PGAP2: variants seen among roughly 807,000 people sequenced by gnomAD.
PGAP2 encodes the protein acyltransferase PGAP2.
PGAP2 carries 21 observed loss-of-function variants against 33.2 expected under a neutral mutation model. The ratio of observed to expected loss-of-function variants is 0.63; its 90% CI spans 0.45 to 0.91. The LOEUF (loss-of-function observed/expected upper bound fraction) is 0.91. Ranked by LOEUF, PGAP2 falls within the 40% of genes least tolerant of loss-of-function variation. PGAP2 has a pLI of 0.00. For missense variants in PGAP2, 345 were observed against 424.0 expected (o/e 0.81, Z 1.64); for synonymous variants, 161 against 172.9 (o/e 0.93, Z 0.54).
chr11:3,811,663 AACAGAGTTTGAC>A lies in PGAP2; in HGVS notation c.165+243_165+254del. 6.6e-6 allele frequency among the ~76,000 whole-genome samples: 1 copy of A among 152,228 alleles called. No homozygotes were observed. Among genetic ancestry groups the A allele is most frequent in the East Asian group, 1.9e-4 (1 of 5,162 alleles). On this transcript the variant is annotated intron_variant, in intron 2 of 6. Coordinates refer to ENST00000278243, the MANE Select transcript of PGAP2 (RefSeq NM_014489.4). The surrounding 1 kb of genome is among the most constrained non-coding windows in gnomAD (Gnocchi z 4.6). ...GAGTCAGTAAATGAATTACAAGTAT[AACAGAGTTTGAC>A]ACATGTCCCACCCCATTTACTTTGA...
upstream of PGAP2, among the ~76,000 whole-genome samples, chr11:3,807,339 C>T (rs1175171613): frequency 1.5e-5 from 2 of 136,166 alleles, no homozygotes; most frequent in Non-Finnish European, 3.1e-5. Flanking sequence ...TGGAGTTTCG[C>T]TCTTGTCGCC....
intron 2 of PGAP2, among the ~76,000 whole-genome samples, chr11:3,814,262 CT>C (rs2086240578): frequency 6.6e-6 from 1 of 151,984 alleles, no homozygotes; most frequent in Non-Finnish European, 1.5e-5. Context: ...TATTTTCTTT[CT>C]TTATTTTTAT....
upstream of PGAP2, chr11:3,797,802 G>A (rs758619897): frequency 3.8e-5 from 59 of 1,544,752 alleles, no homozygotes; most frequent in Middle Eastern, 1.7e-4. Flanking sequence ...TGGCGGGAGC[G>A]TGTCGTGACG....
At chr11:3,810,560 C>A (rs1269108071) in intron 1 of PGAP2, among the ~76,000 whole-genome samples, 1 of 152,216 alleles carries the variant, frequency 6.6e-6, no homozygotes, top group Non-Finnish European at 1.5e-5. Flanking sequence ...CACTGGGAAG[C>A]CTCCAGAAGC....
In PGAP2 at chr11:3,817,502, C is replaced by T; in HGVS notation, c.315C>T (p.Phe105=). The T allele has an allele frequency of 6.2e-7, 1 of 1,614,128 alleles. No homozygotes were observed. The highest frequency in any genetic ancestry group is 8.5e-7 in the Non-Finnish European group (1 of 1,180,016). The change falls in exon 3 of 7, where the codon TTC becomes TTT. Residue 105 remains phenylalanine, a synonymous_variant. Transcript: ENST00000278243. ...TCTGCATCATCTGGTCCCTGGTGTT[C>T]CACTTTGAGTACACGGTGGCCACTG... ...FFFCIIWSLV[F]HFEYTVATDC...
chr11:3,798,143 C>T, intron 1 of PGAP2: 1 of 1,439,982 alleles, frequency 6.9e-7, no homozygotes, highest in Non-Finnish European at 9.1e-7. Context: ...CTTCAGGGCC[C>T]TAAATCCTGA....
intron 1 of PGAP2, 52 bp downstream of exon 1, chr11:3,808,703 T>G: frequency 1.9e-6 from 2 of 1,035,590 alleles, no homozygotes; most frequent in Non-Finnish European, 2.3e-6. Context: ...ACTCGGGAGC[T>G]TGGCCGCGCG....
In PGAP2 at chr11:3,798,716, T is replaced by A. The variant is rs1053483630; in HGVS notation, c.139+734T>A. Among the ~76,000 whole-genome samples, 5 of 150,386 alleles carry A rather than the reference T, an allele frequency of 3.3e-5. No homozygotes were observed. The East Asian group carries it at 9.7e-4, about 29-fold the overall frequency. On this transcript the variant is annotated intron_variant, in intron 1 of 6. Coordinates refer to the PGAP2 transcript ENST00000300730. ...TGGAGTGCAGTGGCACGATCTCGGCTCACTGCAATCTCCGCCTCCCAGGTA... is the reference window on the plus strand; with the variant it reads ...TGGAGTGCAGTGGCACGATCTCGGCACACTGCAATCTCCGCCTCCCAGGTA...
rs1468768687 is a variant in PGAP2 at position 3,811,614 on chromosome 11, C to T, written c.165+190C>T. On this transcript the variant is annotated intron_variant, in intron 2 of 6. Transcript: ENST00000278243. This position sits in a 1 kb window ranked among gnomAD's most constrained non-coding sequence, Gnocchi z 4.6. Reference sequence around the variant, plus strand: ...TCTGCCTTCTGTGAGGTTCTGGAGGCTGGAGTCACTGAAGTGTAATATAGA... The same window carrying T: ...TCTGCCTTCTGTGAGGTTCTGGAGGTTGGAGTCACTGAAGTGTAATATAGA... Among the ~76,000 whole-genome samples, 2 of 152,138 alleles carry T rather than the reference C, an allele frequency of 1.3e-5. No individual in the cohort carries two copies. Among genetic ancestry groups the T allele is most frequent in the Non-Finnish European group, 2.9e-5 (2 of 68,036 alleles).
At chr11:3,797,748 G>A (rs2082759625), upstream of PGAP2, 1 of 1,425,490 alleles carries the variant, frequency 7.0e-7, no homozygotes, top group Non-Finnish European at 9.5e-7. Flanking sequence ...CACAGGGTAG[G>A]AGCGGTGAGA....
intron 3 of PGAP2, among the ~76,000 whole-genome samples, chr11:3,822,221 G>A (rs1055455743): frequency 2.6e-5 from 4 of 151,964 alleles, no homozygotes; most frequent in East Asian, 1.9e-4. Flanking sequence ...AAAATTAGCC[G>A]GGCGTGGTGA....
At position 3,817,533 on chromosome 11, in the gene PGAP2, G is replaced by A. The variant is rs1198941074; in HGVS notation, c.346G>A (p.Gly116Arg). 1 of 1,613,744 alleles carries A rather than the reference G, an allele frequency of 6.2e-7. No individual in the cohort carries two copies. Among genetic ancestry groups the A allele is most frequent in the Admixed American group, 1.7e-5 (1 of 60,020 alleles). Residue 116 changes from glycine to arginine, a missense_variant and splice_region_variant, in exon 3 of 7, where the codon GGG becomes AGG. By Grantham distance (125) the Gly-to-Arg change is moderately radical (BLOSUM62 -2). Transcript: ENST00000278243. ...HFEYTVATDC[G>R]VPNYLPSVSS... ...TGAGTACACGGTGGCCACTGACTGT[G>A]GGGTGAGTGCCAGCTCCCCAGCCCC...
chr11:3,823,789 C>A (rs1422443572), intron 3 of PGAP2, 94 bp from the exon 4 acceptor site: 4 of 1,598,712 alleles, frequency 2.5e-6, no homozygotes, highest in Non-Finnish European at 3.4e-6. Flanking sequence ...GGGGCTGGAG[C>A]AGAGGCAAGA....
rs747979399 is a variant in PGAP2 at position 3,797,998 on chromosome 11, T to A, written c.139+16T>A. On this transcript the variant is annotated intron_variant, in intron 1 of 6. Transcript: ENST00000300730. ...GAATGGCATGGTAACTATTCGACCC[T>A]TTCCTTGCCCCGGTCCGCCGGCGCT... 3.5e-5 allele frequency: 54 copies of A among 1,537,980 alleles called. No homozygotes were observed. The Admixed American group carries it at 4.7e-4, about 13-fold the overall frequency.
chr11:3,808,437 C>T, upstream of PGAP2: 3 of 1,527,886 alleles, frequency 2.0e-6, no homozygotes, highest in South Asian at 3.6e-5. Context: ...GGTTTGAGGA[C>T]ACGCCAGATT....
Position 3,825,742 on chromosome 11 carries a change from A to G in PGAP2, c.*284A>G, listed in dbSNP as rs1295370607. The G allele has an allele frequency of 3.5e-6, 1 of 288,512 alleles. No homozygotes were observed. The highest frequency in any genetic ancestry group is 6.6e-6 in the Non-Finnish European group (1 of 151,932). 17.9% of individuals were successfully genotyped at this position (288,512 alleles called of 1,614,324 possible). ...TGGTGCTAAAAAAAAAAACGTCCTG[A>G]GGTTCATGACCACCATCCAGTTTCT... On this transcript the variant is annotated 3_prime_UTR_variant, in exon 7 of 7. Transcript: ENST00000278243.
chr11:3,799,476 G>GATT (rs1235163285), intron 1 of PGAP2, among the ~76,000 whole-genome samples: 1 of 152,116 alleles, frequency 6.6e-6, no homozygotes, highest in Non-Finnish European at 1.5e-5. Flanking sequence ...GGGAGGCGGA[G>GATT]ATTACAGTGA....
At chr11:3,822,887 T>G in intron 3 of PGAP2, 1 of 1,346,098 alleles carries the variant, frequency 7.4e-7, no homozygotes, top group Non-Finnish European at 1.0e-6. Flanking sequence ...AGCTGTGTAT[T>G]ATCTTCTCCT....
chr11:3,818,961 C>T (rs2087819936), intron 3 of PGAP2, among the ~76,000 whole-genome samples: 1 of 152,152 alleles, frequency 6.6e-6, no homozygotes, highest in South Asian at 2.1e-4. Context: ...GCCAGGCCGG[C>T]AACTTTTGAT....
Sources: allele counts gnomAD v4.1 joint callset (sites outside exome capture counted in the v4.1 genomes callset), GRCh38; gene constraint gnomAD v4.1.1; non-coding constraint Gnocchi (gnomAD v3.1); transcripts MANE v1.5; gene names NCBI Gene and HGNC (gene_info 2026-07-23, HGNC 2026-07-21).